Variants in SLC9A4 observed in about 807,000 individuals in gnomAD.
SLC9A4 encodes the protein solute carrier family 9 member A4.
Under a neutral mutation model 67.4 loss-of-function variants are expected in SLC9A4, and 63 were observed. That is an observed-to-expected ratio of 0.93 (90% CI 0.76 to 1.15). The LOEUF is 1.15. SLC9A4 is among the 50% of genes most tolerant of loss of function. SLC9A4 has a pLI of 0.00. For synonymous variants in SLC9A4, 393 were observed against 367.2 expected, an observed-to-expected ratio of 1.07 and a Z score of -0.80; for missense variants, 1,089 against 987.7, an observed-to-expected ratio of 1.10 and a Z score of -1.38.
chr2:102,477,304 C>T, intron 1 of SLC9A4, among the ~76,000 whole-genome samples: 1 of 152,200 alleles, frequency 6.6e-6, no homozygotes, highest in South Asian at 2.1e-4. Flanking sequence ...TCTTGATGTT[C>T]TCCCCACCTA....
intron 11 of SLC9A4, among the ~76,000 whole-genome samples, chr2:102,528,038 C>T (rs532174382): frequency 2.0e-5 from 3 of 151,986 alleles, no homozygotes; most frequent in Non-Finnish European, 4.4e-5. Context: ...AGATGAGTCT[C>T]TCTCTGTCAC....
chr2:102,476,869 C>G (rs1684345280), intron 1 of SLC9A4, among the ~76,000 whole-genome samples: 1 of 152,088 alleles, frequency 6.6e-6, no homozygotes, highest in Non-Finnish European at 1.5e-5. Context: ...AGAGGAAATG[C>G]AGAAATAAGC....
chr2:102,494,984 C>T (rs1275917779), intron 2 of SLC9A4, among the ~76,000 whole-genome samples: 1 of 151,952 alleles, frequency 6.6e-6, no homozygotes, highest in Non-Finnish European at 1.5e-5. Flanking sequence ...ACCACCTTGC[C>T]CTAATTCCTA....
intron 6 of SLC9A4, among the ~76,000 whole-genome samples, chr2:102,510,887 A>C (rs1442228209): frequency 6.6e-6 from 1 of 152,238 alleles, no homozygotes; most frequent in East Asian, 1.9e-4. Flanking sequence ...CATTGAAGGG[A>C]TACCACTGTG....
At chr2:102,496,637 A>G (rs1366302257) in intron 2 of SLC9A4, among the ~76,000 whole-genome samples, 2 of 152,226 alleles carry the variant, frequency 1.3e-5, no homozygotes, top group African/African-American at 4.8e-5. Flanking sequence ...ATAGAGAAGG[A>G]ATGTGTAGGA....
chr2:102,512,032 A>G (rs1044695904), intron 6 of SLC9A4, among the ~76,000 whole-genome samples, 171 bp from the exon 7 acceptor site: 2 of 152,222 alleles, frequency 1.3e-5, no homozygotes, highest in African/African-American at 4.8e-5. Flanking sequence ...AATTACTATG[A>G]AATTACTATG....
intron 2 of SLC9A4, among the ~76,000 whole-genome samples, chr2:102,490,587 G>C (rs1377656601): frequency 6.6e-6 from 1 of 152,172 alleles, no homozygotes; most frequent in Non-Finnish European, 1.5e-5. Context: ...CACATTATCA[G>C]GTACTGGCAG....
chr2:102,491,443 C>T lies in SLC9A4; in HGVS notation c.721-12005C>T, dbSNP rs896098455. 5.5e-5 allele frequency among the ~76,000 whole-genome samples: 8 copies of T among 145,540 alleles called. No homozygotes were observed. The Admixed American group carries it at 5.8e-4, about 10-fold the overall frequency. ...GCACCACATAGTTGGGGAGGCTTCA[C>T]AATCATGGTGGAAGGCGAAGGAGGA... On this transcript the variant is annotated intron_variant, in intron 2 of 11. Transcript: ENST00000295269.
intron 11 of SLC9A4, 53 bp from the exon 12 acceptor site, chr2:102,532,277 A>G: frequency 1.9e-6 from 3 of 1,552,928 alleles, no homozygotes; most frequent in Non-Finnish European, 2.6e-6. Flanking sequence ...ATTAAGTCTT[A>G]ACTCTGATCT....
rs762246025 is a variant in SLC9A4 at position 102,519,874 on chromosome 2, A to G, written c.1737A>G (p.Gln579=). The G allele has an allele frequency of 1.9e-6, 3 of 1,613,780 alleles. No homozygotes were observed. The highest frequency in any genetic ancestry group is 2.2e-5 in the South Asian group (2 of 91,076). The change falls in exon 9 of 12, where the codon CAA becomes CAG. Residue 579 remains glutamine (Q), a synonymous_variant. Coordinates refer to ENST00000295269, the MANE Select transcript of SLC9A4 (RefSeq NM_001011552.4). ...ATGATTCCAGGGCCCAGAGGATACA[A>G]GGAATCAAAAGACTTTCCCCTGAAG... ...FSIPHQAQRI[Q]GIKRLSPEDV...
At chr2:102,493,033 A>G (rs1203391556) in intron 2 of SLC9A4, among the ~76,000 whole-genome samples, 1 of 152,228 alleles carries the variant, frequency 6.6e-6, no homozygotes, top group East Asian at 1.9e-4. Context: ...GTTCATCTCC[A>G]TCTGAGACCA....
intron 2 of SLC9A4, among the ~76,000 whole-genome samples, chr2:102,487,242 AAACAG>A (rs1485721633): frequency 6.6e-6 from 1 of 151,906 alleles, no homozygotes; most frequent in Non-Finnish European, 1.5e-5. Context: ...AGAGAGAGAG[AAACAG>A]AGAGAGAGAT....
Position 102,478,927 on chromosome 2 carries a change from C to G in SLC9A4, c.345C>G (p.Phe115Leu). 1 of 1,614,080 alleles carries G rather than the reference C, an allele frequency of 6.2e-7. No homozygotes were observed. Among genetic ancestry groups the G allele is most frequent in the South Asian group, 1.1e-5 (1 of 91,080 alleles). ...GGGCGCTGGTGGGCGGCATCATCTT[C>G]GGCACCGACCACAAATCGCCTCCGG... ...LVGALVGGII[F>L]GTDHKSPPVM... The change falls in exon 2 of 12, where the codon TTC (phenylalanine) becomes TTG (leucine). Residue 115 changes from phenylalanine to leucine, a missense_variant. By Grantham distance (22) the Phe-to-Leu change is conservative (BLOSUM62 0). Transcript: ENST00000295269.
chr2:102,479,602 T>C (rs1312655960), intron 2 of SLC9A4, among the ~76,000 whole-genome samples: 2 of 152,252 alleles, frequency 1.3e-5, no homozygotes, highest in African/African-American at 4.8e-5. Flanking sequence ...AAACAGAAAC[T>C]GTTGCTAATG....
At position 102,533,653 on chromosome 2, in the gene SLC9A4, C is replaced by G. The variant is rs1391994553; in HGVS notation, c.*965C>G. On this transcript the variant is annotated 3_prime_UTR_variant, in exon 12 of 12. Transcript: ENST00000295269. ...TGCTATCCCTCCCCCCTCCCCCCAC[C>G]CCACAACAGTCCCCAGAGTGTGATG... 2.1e-4 allele frequency: 26 copies of G among 122,472 alleles called. No individual in the cohort carries two copies. The highest frequency in any genetic ancestry group is 6.7e-4 in the South Asian group (2 of 3,006). 7.6% of individuals were successfully genotyped at this position (122,472 alleles called of 1,614,324 possible).
chr2:102,494,771 C>A (rs755816119), intron 2 of SLC9A4, among the ~76,000 whole-genome samples: 3 of 152,062 alleles, frequency 2.0e-5, no homozygotes, highest in African/African-American at 7.2e-5. Flanking sequence ...AAAAAGCTGA[C>A]TAATCAAGAA....
At chr2:102,530,783 T>C (rs995870735) in intron 11 of SLC9A4, among the ~76,000 whole-genome samples, 206 of 152,176 alleles carry the variant, frequency 1.4e-3, no homozygotes, top group Non-Finnish European at 2.0e-3. Flanking sequence ...TGGACAGATA[T>C]ATAGATATAT....
chr2:102,489,632 G>T (rs1040586110), intron 2 of SLC9A4, among the ~76,000 whole-genome samples: 6 of 152,094 alleles, frequency 3.9e-5, no homozygotes, highest in African/African-American at 1.4e-4. Context: ...TACGTGTTCT[G>T]CCATCCATTC....
chr2:102,488,702 C>G (rs1384873808), intron 2 of SLC9A4, among the ~76,000 whole-genome samples: 1 of 152,106 alleles, frequency 6.6e-6, no homozygotes, highest in Non-Finnish European at 1.5e-5. Flanking sequence ...GTGCCCACCA[C>G]CACGCCCGGC....
Sources: allele counts gnomAD v4.1 joint callset (sites outside exome capture counted in the v4.1 genomes callset), GRCh38; gene constraint gnomAD v4.1.1; transcripts MANE v1.5; gene names NCBI Gene and HGNC (gene_info 2026-07-23, HGNC 2026-07-21).